Variants in AK9 observed in about 807,000 individuals in gnomAD.
The protein encoded by AK9 is adenylate kinase 9, also known as adenylate kinase domain containing 1.
In AK9, 191 loss-of-function variants were observed where a neutral mutation model predicts 239.6. That is an observed-to-expected ratio of 0.80 (90% CI 0.71 to 0.90). The LOEUF is 0.90. AK9 is among the 40% of genes least tolerant of loss of function. The probability of loss-of-function intolerance (pLI) is 0.00; values close to 1 mark genes in which losing one functional copy is unlikely to be tolerated. For synonymous variants in AK9, 689 were observed against 721.0 expected (o/e 0.96, Z 0.71); for missense variants, 1,995 against 2,214.7 (o/e 0.90, Z 1.99).
intron 2 of AK9, among the ~76,000 whole-genome samples, chr6:109,675,164 A>G (rs1450831293): frequency 2.0e-5 from 3 of 152,154 alleles, no homozygotes; most frequent in Non-Finnish European, 4.4e-5. Context: ...GAGCCTCAAA[A>G]CAAATTGCAT....
chr6:109,538,487 G>C (rs1171889589), intron 27 of AK9, among the ~76,000 whole-genome samples: 1 of 151,898 alleles, frequency 6.6e-6, no homozygotes, highest in Non-Finnish European at 1.5e-5. Flanking sequence ...TTTATTTTGA[G>C]CCTATGTGTG....
In AK9 at chr6:109,659,495, A is replaced by C. The variant is rs1475643916; in HGVS notation, c.445-82T>G. The stretch of plus-strand genomic sequence containing the variant: ...TGTGTATTTATTGAATATATTGTAC[A>C]GTACATAAACCAAAAAATTCCTTTA... On this transcript the variant is annotated intron_variant, in intron 6 of 40. Coordinates refer to ENST00000424296, the MANE Select transcript of AK9 (RefSeq NM_001145128.3). The C allele has an allele frequency of 2.7e-6, 4 of 1,485,396 alleles. No homozygotes were observed. In the African/African-American group the frequency reaches 4.3e-5, roughly 16 times the overall value. The allele number at this position is 1,485,396 out of a possible 1,614,324, so 92.0% of individuals were successfully genotyped here.
chr6:109,579,385 A>G, intron 20 of AK9, 165 bp downstream of exon 20: 1 of 592,384 alleles, frequency 1.7e-6, no homozygotes, highest in Non-Finnish European at 3.0e-6. Context: ...GAACACTTTA[A>G]GAATAAAAGG....
intron 24 of AK9, among the ~76,000 whole-genome samples, chr6:109,551,775 A>AC (rs1229423146): frequency 7.1e-6 from 1 of 140,622 alleles, no homozygotes; most frequent in Non-Finnish European, 1.6e-5. Context: ...TCTTCCAAAA[A>AC]AAAAAAGGGG....
chr6:109,614,317 A>G, intron 14 of AK9, 21 bp from the exon 15 acceptor site: 3 of 1,547,714 alleles, frequency 1.9e-6, no homozygotes, highest in Non-Finnish European at 1.7e-6. Context: ...AGAATAATAT[A>G]CTTTATCAGC....
chr6:109,619,121 A>G lies in AK9; in HGVS notation c.1370T>C (p.Leu457Pro). 1 of 1,545,374 alleles carries G rather than the reference A, an allele frequency of 6.5e-7. No individual in the cohort carries two copies. The highest frequency in any genetic ancestry group is 8.7e-7 in the Non-Finnish European group (1 of 1,144,650). The change falls in exon 13 of 41, where the codon CTT becomes CCT. Residue 457 changes from leucine (L) to proline (P), a missense_variant. By Grantham distance (98) the Leu-to-Pro change is moderately conservative. Transcript: ENST00000424296. ...AAAIKVVKEK[L>P]LRELQARKQA... is the part of the protein sequence containing the mutation. The stretch of plus-strand genomic sequence containing the variant: ...TTTTCTAGCTTGCAGTTCCCTGAGA[A>G]GCTTTTCTTTCACAACTTTAATTGC...
In AK9 at chr6:109,559,957, C is replaced by T. The variant is rs376978929; in HGVS notation, c.2751+3640G>A. Among the ~76,000 whole-genome samples, 27 of 152,214 alleles carry T rather than the reference C, an allele frequency of 1.8e-4. 1 individual carries two copies. The East Asian group carries it at 2.3e-3, about 13-fold the overall frequency. On this transcript the variant is annotated intron_variant, in intron 24 of 40. Coordinates refer to ENST00000424296, the MANE Select transcript of AK9 (RefSeq NM_001145128.3). ...CCACTTCTAGGGTTGGCTCATGGTC[C>T]TTTTCTCTATCTTCAAAGCCGGCTT...
intron 5 of AK9, among the ~76,000 whole-genome samples, chr6:109,667,082 A>C (rs1438191976): frequency 2.6e-5 from 4 of 152,204 alleles, no homozygotes; most frequent in Non-Finnish European, 5.9e-5. Flanking sequence ...AAGGGCCAAA[A>C]CAACACAATA....
At position 109,567,382 on chromosome 6, in the gene AK9, A is replaced by G. The variant is rs1786708528; in HGVS notation, c.2345-2537T>C. On this transcript the variant is annotated intron_variant, in intron 21 of 40. Transcript: ENST00000424296. ...ACACCCTCCCAAGACTAAACCAGGAAGAAGCTGAATCCCTGAATAGACCAA... is the reference window on the plus strand; with the variant it reads ...ACACCCTCCCAAGACTAAACCAGGAGGAAGCTGAATCCCTGAATAGACCAA... 2.6e-5 allele frequency among the ~76,000 whole-genome samples: 4 copies of G among 152,190 alleles called. No individual in the cohort carries two copies. In the South Asian group the frequency reaches 8.3e-4, roughly 31 times the overall value.
At chr6:109,653,969 G>A (rs1419332475) in intron 8 of AK9, among the ~76,000 whole-genome samples, 1 of 150,760 alleles carries the variant, frequency 6.6e-6, no homozygotes, top group Non-Finnish European at 1.5e-5. Context: ...TGAACTCTGA[G>A]CCCTGTGTTC....
intron 27 of AK9, among the ~76,000 whole-genome samples, chr6:109,536,794 T>C (rs1032731467): frequency 3.3e-5 from 5 of 152,172 alleles, no homozygotes; most frequent in Admixed American, 2.0e-4. Context: ...ACCTAATTTA[T>C]TTAGAGTGTT....
intron 29 of AK9, among the ~76,000 whole-genome samples, chr6:109,522,667 C>T (rs1216456197): frequency 6.6e-6 from 1 of 151,860 alleles, no homozygotes; most frequent in East Asian, 1.9e-4. Flanking sequence ...AATGATGTTT[C>T]CTGGGTTGTC....
intron 35 of AK9, 36 bp from the exon 36 acceptor site, chr6:109,499,276 T>C (rs1336687551): frequency 7.4e-7 from 1 of 1,359,102 alleles, no homozygotes. Flanking sequence ...CATGTATATA[T>C]TTTTCATAGA....
At chr6:109,607,860 G>A (rs1003850403) in intron 17 of AK9, among the ~76,000 whole-genome samples, 1 of 149,748 alleles carries the variant, frequency 6.7e-6, no homozygotes, top group African/African-American at 2.4e-5. Flanking sequence ...ACCTATAATA[G>A]CTAAGATAAT....
intron 8 of AK9, among the ~76,000 whole-genome samples, chr6:109,655,003 C>T (rs1799488867): frequency 6.6e-6 from 1 of 152,152 alleles, no homozygotes; most frequent in Admixed American, 6.5e-5. Flanking sequence ...CTTGGCTATT[C>T]AGCAAGTGTC....
At chr6:109,509,510 C>T (rs1483947105) in intron 32 of AK9, 130 bp from the exon 33 acceptor site, 4 of 815,670 alleles carry the variant, frequency 4.9e-6, no homozygotes, top group Admixed American at 2.8e-5. Flanking sequence ...CCCCAAGTAG[C>T]AAACATAGTG....
At chr6:109,581,807 T>C (rs1193463514) in intron 19 of AK9, among the ~76,000 whole-genome samples, 1 of 152,182 alleles carries the variant, frequency 6.6e-6, no homozygotes, top group Non-Finnish European at 1.5e-5. Flanking sequence ...AGGCTTCTAT[T>C]GGAAGAAGAT....
intron 16 of AK9, among the ~76,000 whole-genome samples, 200 bp from the exon 17 acceptor site, chr6:109,610,713 G>T (rs1793477398): frequency 6.6e-6 from 1 of 152,170 alleles, no homozygotes; most frequent in African/African-American, 2.4e-5. Context: ...AACTCTCAGA[G>T]AAGTAACTTA....
At chr6:109,564,360 CT>C in intron 22 of AK9, 80 bp from the exon 23 acceptor site, 1 of 1,146,104 alleles carries the variant, frequency 8.7e-7, no homozygotes. Flanking sequence ...ATAGCTTATA[CT>C]TTGCAATTTT....
Sources: allele counts gnomAD v4.1 joint callset (sites outside exome capture counted in the v4.1 genomes callset), GRCh38; gene constraint gnomAD v4.1.1; transcripts MANE v1.5; gene names NCBI Gene and HGNC (gene_info 2026-07-23, HGNC 2026-07-21).